Variants in HDAC9 observed in about 807,000 individuals in gnomAD.
The protein encoded by HDAC9 is histone deacetylase 9, also known as MEF-2 interacting transcription repressor (MITR) protein.
A neutral mutation model predicts 139.4 loss-of-function variants in HDAC9; 41 were observed. The observed-to-expected ratio is 0.29, with a 90% CI of 0.23 to 0.38. HDAC9 has a LOEUF of 0.38. HDAC9 is among the 10% of genes least tolerant of loss of function. HDAC9 has a pLI of 1.00. For synonymous variants in HDAC9, 517 were observed against 476.2 expected (o/e 1.09, Z -1.12); for missense variants, 1,147 against 1,297.0 (o/e 0.88, Z 1.78).
At chr7:18,872,282 C>A (rs559959948) in intron 21 of HDAC9, among the ~76,000 whole-genome samples, 2 of 152,208 alleles carry the variant, frequency 1.3e-5, no homozygotes, top group South Asian at 2.1e-4. Flanking sequence ...AATTTGAAAA[C>A]CCACAGGAAA....
chr7:18,634,993 A>T (rs1162563069), intron 8 of HDAC9, among the ~76,000 whole-genome samples: 1 of 151,976 alleles, frequency 6.6e-6, no homozygotes, highest in African/African-American at 2.4e-5. Flanking sequence ...TTTCTTACAG[A>T]TTTTTTCTTA....
At chr7:18,642,084 G>A (rs1249970964) in intron 8 of HDAC9, among the ~76,000 whole-genome samples, 1 of 152,052 alleles carries the variant, frequency 6.6e-6, no homozygotes, top group African/African-American at 2.4e-5. Context: ...GATAAGCTAA[G>A]CAATGTCCCG....
At chr7:18,321,391 CA>C (rs1455110808) in intron 1 of HDAC9, among the ~76,000 whole-genome samples, 1 of 152,074 alleles carries the variant, frequency 6.6e-6, no homozygotes, top group African/African-American at 2.4e-5. Context: ...ATGTACCACA[CA>C]AGAGAAAGGA....
intron 22 of HDAC9, among the ~76,000 whole-genome samples, chr7:18,904,501 T>A (rs1458642567): frequency 2.0e-5 from 3 of 152,118 alleles, no homozygotes; most frequent in Admixed American, 2.0e-4. Context: ...ATTGGCTTAT[T>A]TATCATCTGA....
chr7:18,190,734 C>G (rs993159804), intron 2 of HDAC9, among the ~76,000 whole-genome samples: 1 of 152,040 alleles, frequency 6.6e-6, no homozygotes, highest in Non-Finnish European at 1.5e-5. Context: ...AATTTTCACT[C>G]TTATTAAGTA....
intron 17 of HDAC9, among the ~76,000 whole-genome samples, chr7:18,815,217 T>C (rs1356995601): frequency 6.6e-6 from 1 of 152,198 alleles, no homozygotes; most frequent in African/African-American, 2.4e-5. Context: ...TATTTTTTTT[T>C]TGAAGTTTTG....
intron 12 of HDAC9, among the ~76,000 whole-genome samples, chr7:18,673,881 T>G (rs536694118): frequency 2.0e-5 from 3 of 152,160 alleles, no homozygotes; most frequent in Admixed American, 6.6e-5. Context: ...TCCTTCTCCT[T>G]TACCTTAAAG....
In HDAC9 at chr7:18,937,681, A is replaced by G. The variant is rs183115939; in HGVS notation, c.2937+1739A>G. Among the ~76,000 whole-genome samples, 777 of 152,310 alleles carry G rather than the reference A, an allele frequency of 5.1e-3. 16 individuals are homozygous for G. The highest frequency in any genetic ancestry group is 0.049 in the Admixed American group (753 of 15,298). On this transcript the variant is annotated intron_variant, in intron 23 of 25. Transcript: ENST00000686413. The stretch of plus-strand genomic sequence containing the variant: ...AGAAATATGTTACAGAAGCATAATA[A>G]TATTAATATTTGCATTATAAAGGCT...
At chr7:18,578,170 G>A (rs1563349674) in intron 2 of HDAC9, 1 of 518,988 alleles carries the variant, frequency 1.9e-6, no homozygotes, top group Non-Finnish European at 3.8e-6. Context: ...ACAAGATGGT[G>A]AGTGACCTCC....
At chr7:18,555,066 T>A (rs1818379948) in intron 2 of HDAC9, among the ~76,000 whole-genome samples, 1 of 152,224 alleles carries the variant, frequency 6.6e-6, no homozygotes, top group African/African-American at 2.4e-5. Flanking sequence ...ATATAAAATG[T>A]AGTTTCATTA....
intron 2 of HDAC9, among the ~76,000 whole-genome samples, chr7:18,261,281 C>G (rs1795661321): frequency 6.6e-6 from 1 of 152,022 alleles, no homozygotes; most frequent in Admixed American, 6.6e-5. Flanking sequence ...GCACTCCAGC[C>G]TGTGTGGCAG....
At chr7:18,831,235 A>G (rs985668891) in intron 19 of HDAC9, among the ~76,000 whole-genome samples, 1 of 152,210 alleles carries the variant, frequency 6.6e-6, no homozygotes, top group South Asian at 2.1e-4. Flanking sequence ...TTGAAAACAC[A>G]TTTGTGATAT....
intron 1 of HDAC9, among the ~76,000 whole-genome samples, chr7:18,335,124 A>G (rs1180997003): frequency 2.6e-5 from 4 of 151,508 alleles, no homozygotes; most frequent in African/African-American, 9.7e-5. Context: ...TTCATATTGA[A>G]AGTGAGAATT....
At chr7:18,900,950 G>A (rs1234745054) in intron 22 of HDAC9, among the ~76,000 whole-genome samples, 4 of 151,960 alleles carry the variant, frequency 2.6e-5, no homozygotes, top group Admixed American at 2.0e-4. Flanking sequence ...GATGGACCCC[G>A]CCCCTTACTC....
chr7:18,568,680 C>T (rs1583486843), intron 2 of HDAC9, among the ~76,000 whole-genome samples: 1 of 152,060 alleles, frequency 6.6e-6, no homozygotes, highest in African/African-American at 2.4e-5. Flanking sequence ...TAATTTTTAA[C>T]CTAATTCATT....
intron 22 of HDAC9, among the ~76,000 whole-genome samples, chr7:18,917,999 C>A (rs1213803060): frequency 6.6e-6 from 1 of 151,978 alleles, no homozygotes; most frequent in Non-Finnish European, 1.5e-5. Context: ...GTTTCACAAT[C>A]TTGATTACCT....
chr7:18,353,756 G>GC (rs1417901033), intron 1 of HDAC9, among the ~76,000 whole-genome samples: 2 of 152,252 alleles, frequency 1.3e-5, no homozygotes, highest in African/African-American at 4.8e-5. Context: ...AGCAGACTTT[G>GC]CACCTTTGTG....
chr7:18,416,015 C>T (rs1420095845), intron 1 of HDAC9, among the ~76,000 whole-genome samples: 1 of 151,912 alleles, frequency 6.6e-6, no homozygotes, highest in Non-Finnish European at 1.5e-5. Flanking sequence ...TTTTTGCAGC[C>T]AGGCTCAGTG....
intron 1 of HDAC9, among the ~76,000 whole-genome samples, chr7:18,371,983 A>G (rs139164115): frequency 1.2e-4 from 18 of 152,218 alleles, no homozygotes; most frequent in Non-Finnish European, 2.5e-4. Context: ...TAACTTAGGG[A>G]CCCTTTGGAT....
Sources: gnomAD v4.1 joint callset for allele counts (sites outside exome capture counted in the v4.1 genomes callset) on GRCh38, gnomAD v4.1.1 for gene constraint, MANE v1.5 for transcripts, NCBI Gene and HGNC (gene_info 2026-07-23, HGNC 2026-07-21) for gene names.